The following STAU2 variants were observed in gnomAD, a reference collection of about 807,000 sequenced individuals.
STAU2 encodes staufen double-stranded RNA binding protein 2, also known as double-stranded RNA-binding protein Staufen homolog 2.
A neutral mutation model predicts 65.9 loss-of-function variants in STAU2; 20 were observed. The ratio of observed to expected loss-of-function variants is 0.30; its 90% confidence interval spans 0.21 to 0.44. The LOEUF is 0.44. Ranked by LOEUF, STAU2 falls within the 20% of genes least tolerant of loss-of-function variation. The pLI is 1.00. For missense variants in STAU2, 558 were observed against 683.9 expected, an observed-to-expected ratio of 0.82 and a Z score of 2.05; for synonymous variants, 232 against 233.9, an observed-to-expected ratio of 0.99 and a Z score of 0.07.
At chr8:73,701,625 G>A (rs1462819180) in intron 4 of STAU2, among the ~76,000 whole-genome samples, 1 of 152,152 alleles carries the variant, frequency 6.6e-6, no homozygotes, top group African/African-American at 2.4e-5. Context: ...CTCATACGTT[G>A]TTAGCAAGAA....
intron 11 of STAU2, among the ~76,000 whole-genome samples, chr8:73,587,898 T>C (rs78372111): frequency 2.4e-4 from 37 of 152,316 alleles, no homozygotes; most frequent in Non-Finnish European, 4.4e-4. Context: ...TAATCTTGTA[T>C]AAATTCTGCC....
At chr8:73,606,277 T>C (rs1812030139) in intron 9 of STAU2, among the ~76,000 whole-genome samples, 1 of 151,870 alleles carries the variant, frequency 6.6e-6, no homozygotes, top group Non-Finnish European at 1.5e-5. Flanking sequence ...TAATAACTTC[T>C]GCTCTTTGAA....
chr8:73,701,529 G>T (rs1430088211), intron 4 of STAU2, among the ~76,000 whole-genome samples: 1 of 152,146 alleles, frequency 6.6e-6, no homozygotes, highest in Non-Finnish European at 1.5e-5. Flanking sequence ...ACTACACTGA[G>T]ATATCATCTT....
chr8:73,549,506 G>T (rs1270035017), intron 13 of STAU2: 2 of 374,502 alleles, frequency 5.3e-6, no homozygotes, highest in Non-Finnish European at 7.4e-6. Context: ...ATTTGAGCTT[G>T]GATACCTACA....
intron 6 of STAU2, among the ~76,000 whole-genome samples, chr8:73,658,404 C>A (rs1816552957): frequency 6.6e-6 from 1 of 152,002 alleles, no homozygotes; most frequent in Non-Finnish European, 1.5e-5. Flanking sequence ...AGTTCACCAC[C>A]ATTTATCACA....
chr8:73,605,059 TG>T (rs1302097179), intron 9 of STAU2, among the ~76,000 whole-genome samples: 11 of 152,136 alleles, frequency 7.2e-5, no homozygotes, highest in Non-Finnish European at 5.9e-5. Flanking sequence ...TATAATGGAA[TG>T]GTATATAGCA....
chr8:73,745,237 T>C (rs899158915), intron 1 of STAU2, among the ~76,000 whole-genome samples: 1 of 152,260 alleles, frequency 6.6e-6, no homozygotes, highest in Non-Finnish European at 1.5e-5. Context: ...ATTAAAGTGT[T>C]ATGTGATATC....
chr8:73,685,041 A>C (rs767732208), intron 5 of STAU2, among the ~76,000 whole-genome samples: 1 of 152,144 alleles, frequency 6.6e-6, no homozygotes, highest in Non-Finnish European at 1.5e-5. Flanking sequence ...TGTTCCCATG[A>C]TAGTGACTGA....
At chr8:73,671,517 T>C (rs1336212039) in intron 6 of STAU2, among the ~76,000 whole-genome samples, 1 of 152,208 alleles carries the variant, frequency 6.6e-6, no homozygotes, top group African/African-American at 2.4e-5. Flanking sequence ...GTACAAACTT[T>C]AGTGCAATTG....
intron 9 of STAU2, among the ~76,000 whole-genome samples, chr8:73,608,373 C>G (rs770892561): frequency 3.3e-5 from 5 of 151,400 alleles, no homozygotes; most frequent in Non-Finnish European, 2.9e-5. Flanking sequence ...TTTGAGAGGC[C>G]AAGGCAGGGC....
At chr8:73,680,950 C>A (rs1364960628) in intron 5 of STAU2, among the ~76,000 whole-genome samples, 1 of 151,776 alleles carries the variant, frequency 6.6e-6, no homozygotes, top group Non-Finnish European at 1.5e-5. Flanking sequence ...TGAACAAAGC[C>A]TCCAAGAAGT....
chr8:73,741,929 A>G (rs371439390), intron 1 of STAU2, among the ~76,000 whole-genome samples: 1 of 152,240 alleles, frequency 6.6e-6, no homozygotes, highest in Non-Finnish European at 1.5e-5. Context: ...TTTCTTTACA[A>G]TATAAAGAGC....
chr8:73,733,101 G>A (rs151136429), intron 3 of STAU2, among the ~76,000 whole-genome samples: 21 of 149,446 alleles, frequency 1.4e-4, no homozygotes, highest in South Asian at 2.1e-4. Context: ...CTACTCCTTC[G>A]ACACGGAAAA....
chr8:73,560,587 G>A (rs1808149441), intron 12 of STAU2, among the ~76,000 whole-genome samples: 1 of 152,050 alleles, frequency 6.6e-6, no homozygotes, highest in Admixed American at 6.5e-5. Context: ...TACTGACAAA[G>A]AACTTTTCAG....
intron 2 of STAU2, among the ~76,000 whole-genome samples, chr8:73,739,103 C>T (rs1414947575): frequency 2.0e-5 from 3 of 151,748 alleles, no homozygotes; most frequent in African/African-American, 4.8e-5. Context: ...CATGGTGGCG[C>T]GTGCCTGTAA....
At chr8:73,708,937 A>ACC in intron 4 of STAU2, 95 bp downstream of exon 4, 6 of 1,256,688 alleles carry the variant, frequency 4.8e-6, no homozygotes, top group Non-Finnish European at 6.2e-6. Flanking sequence ...CATCTGCTGA[A>ACC]CCCCCACTCC....
chr8:73,465,937 T>C (rs1418204759), intron 13 of STAU2, among the ~76,000 whole-genome samples: 1 of 152,184 alleles, frequency 6.6e-6, no homozygotes, highest in African/African-American at 2.4e-5. Flanking sequence ...TGTCTCAACC[T>C]CCCGAGTACC....
rs1252984520 is a variant in STAU2, at chr8:73,420,614, G to C, written c.*758C>G. On this transcript the variant is annotated 3_prime_UTR_variant, in exon 15 of 15. Transcript: ENST00000524300. The stretch of plus-strand genomic sequence containing the variant: ...GTGGGCGCGATTCCCACAACAGGGA[G>C]TGGAATCCGGGAAGATGATATATAG... 1.7e-5 allele frequency: 3 copies of C among 173,458 alleles called. No individual in the cohort carries two copies. Among genetic ancestry groups the C allele is most frequent in the African/African-American group, 7.0e-5 (3 of 42,652 alleles). 10.7% of individuals were successfully genotyped at this position (173,458 alleles called of 1,614,324 possible). A position where few individuals can be genotyped will look rare whatever the true frequency, so the allele number is the denominator to read the frequency against.
intron 13 of STAU2, among the ~76,000 whole-genome samples, chr8:73,502,426 G>T (rs1821814382): frequency 6.6e-6 from 1 of 151,972 alleles, no homozygotes; most frequent in Non-Finnish European, 1.5e-5. Context: ...TGTCCAAGAT[G>T]CTTCACTCTC....
Sources: gnomAD v4.1 joint callset for allele counts (sites outside exome capture counted in the v4.1 genomes callset) on GRCh38, gnomAD v4.1.1 for gene constraint, MANE v1.5 for transcripts, NCBI Gene and HGNC (gene_info 2026-07-23, HGNC 2026-07-21) for gene names.